The following NOX4 variants were observed in gnomAD, a reference collection of about 807,000 sequenced individuals.
NOX4 encodes kidney oxidase-1.
A neutral mutation model predicts 87.6 loss-of-function variants in NOX4; 69 were observed. The observed-to-expected ratio is 0.79, with a 90% confidence interval of 0.65 to 0.96. The LOEUF is 0.96. NOX4 is among the 40% of genes least tolerant of loss of function. The pLI, the probability that NOX4 is intolerant of heterozygous loss-of-function variation, is 0.00. For missense variants in NOX4, 680 were observed against 681.5 expected (o/e 1.00, Z 0.02); for synonymous variants, 275 against 238.2 (o/e 1.15, Z -1.42).
At chr11:89,436,676 A>G (rs1343378767) in intron 6 of NOX4, among the ~76,000 whole-genome samples, 1 of 152,130 alleles carries the variant, frequency 6.6e-6, no homozygotes, top group Non-Finnish European at 1.5e-5. Context: ...TCTATTCATT[A>G]TCCTATTTTA....
At chr11:89,335,973 C>T (rs370033750) in intron 16 of NOX4, 28 bp from the exon 17 acceptor site, 16 of 1,388,554 alleles carry the variant, frequency 1.2e-5, no homozygotes, top group Admixed American at 5.6e-5. Context: ...CTACATTATT[C>T]GATATTTAGT....
At chr11:89,409,792 A>G (rs1365654957) in intron 8 of NOX4, among the ~76,000 whole-genome samples, 1 of 152,198 alleles carries the variant, frequency 6.6e-6, no homozygotes, top group African/African-American at 2.4e-5. Flanking sequence ...GTATTTATTA[A>G]CATATTGAAA....
intron 11 of NOX4, among the ~76,000 whole-genome samples, chr11:89,381,833 T>C (rs2135097303): frequency 6.6e-6 from 1 of 152,310 alleles, no homozygotes; most frequent in South Asian, 2.1e-4. Flanking sequence ...CAGGCTCTTT[T>C]TACTCTTCTC....
intron 13 of NOX4, 51 bp downstream of exon 13, chr11:89,354,911 C>T (rs1937892971): frequency 8.3e-6 from 10 of 1,201,212 alleles, no homozygotes; most frequent in Non-Finnish European, 1.2e-5. Context: ...AAATCTCTCC[C>T]AGCACTATGC....
At chr11:89,571,887 G>A in the NOX4 span, among the ~76,000 whole-genome samples, 3 of 152,110 alleles carry the variant, frequency 2.0e-5, no homozygotes, top group Non-Finnish European at 4.4e-5. Flanking sequence ...TCATCCCTCT[G>A]AGGCTCACCT....
chr11:89,468,839 G>A (rs184378300), intron 2 of NOX4, among the ~76,000 whole-genome samples: 84 of 152,226 alleles, frequency 5.5e-4, no homozygotes, highest in African/African-American at 2.0e-3. Context: ...GGAGCTCCTG[G>A]GCTTAGCTGA....
the NOX4 span, among the ~76,000 whole-genome samples, chr11:89,517,378 T>C: frequency 3.3e-5 from 5 of 152,088 alleles, no homozygotes; most frequent in African/African-American, 1.2e-4. Flanking sequence ...GGTTAAACAT[T>C]ACTTGACCAA....
intron 12 of NOX4, among the ~76,000 whole-genome samples, chr11:89,368,165 C>T (rs897612770): frequency 6.6e-6 from 1 of 151,688 alleles, no homozygotes; most frequent in African/African-American, 2.4e-5. Context: ...AATCATATAT[C>T]TTTAACTTAT....
chr11:89,450,027 A>C (rs912916957), intron 3 of NOX4, among the ~76,000 whole-genome samples: 4 of 152,152 alleles, frequency 2.6e-5, no homozygotes, highest in African/African-American at 7.2e-5. Flanking sequence ...TGCCTGTTTG[A>C]TCTTATAACA....
In NOX4 at chr11:89,422,839, G is replaced by A. The variant is rs544325925; in HGVS notation, c.549-857C>T. 9.2e-5 allele frequency among the ~76,000 whole-genome samples: 12 copies of A among 129,736 alleles called. No homozygotes were observed. The East Asian group carries it at 1.8e-3, about 19-fold the overall frequency. The allele number at this position is 129,736 out of a possible 152,430, so 85.1% of individuals were successfully genotyped here. ...TTTTGAGATGCAGTCTTGCTCTGTC[G>A]CCTAGGCTGGAGTGCAGTGGTGCAA... is the stretch of plus-strand genomic sequence containing the variant. On this transcript the variant is annotated intron_variant, in intron 7 of 17. Coordinates refer to ENST00000263317, the MANE Select transcript of NOX4 (RefSeq NM_016931.5).
At chr11:89,476,377 T>C (rs1358286526) in intron 2 of NOX4, among the ~76,000 whole-genome samples, 1 of 152,122 alleles carries the variant, frequency 6.6e-6, no homozygotes, top group Middle Eastern at 3.2e-3. Context: ...AGTTAAATCA[T>C]ACTTAAAATA....
the NOX4 span, among the ~76,000 whole-genome samples, chr11:89,561,789 C>T: frequency 6.6e-6 from 1 of 151,938 alleles, no homozygotes; most frequent in African/African-American, 2.4e-5. Flanking sequence ...ACAAGCAAAT[C>T]CATAGAATGT....
chr11:89,547,869 T>C, the NOX4 span, among the ~76,000 whole-genome samples: 1 of 152,080 alleles, frequency 6.6e-6, no homozygotes, highest in African/African-American at 2.4e-5. Flanking sequence ...AACCCCAGTA[T>C]TTCCCTAGAG....
intron 3 of NOX4, 102 bp from the exon 4 acceptor site, chr11:89,449,626 G>A (rs149083910): frequency 2.6e-4 from 210 of 810,074 alleles, no homozygotes; most frequent in East Asian, 3.2e-4. Flanking sequence ...AAAATATGGC[G>A]GAAGCCTATT....
the NOX4 span, chr11:89,534,075 CCTT>C: frequency 6.6e-6 from 1 of 152,226 alleles, no homozygotes; most frequent in East Asian, 1.9e-4. Flanking sequence ...CTGTTTTAAT[CCTT>C]CTCCTTATTC....
chr11:89,440,340 C>T (rs766684537), intron 6 of NOX4, among the ~76,000 whole-genome samples: 9 of 151,806 alleles, frequency 5.9e-5, no homozygotes, highest in South Asian at 2.1e-4. Context: ...ATTTTTTAGA[C>T]GGAGTCTTAC....
intron 2 of NOX4, among the ~76,000 whole-genome samples, chr11:89,469,597 CT>C (rs1205217254): frequency 3.3e-5 from 5 of 152,096 alleles, no homozygotes; most frequent in African/African-American, 1.2e-4. Context: ...TCTTTTTGCC[CT>C]GTTTACACTG....
chr11:89,356,853 T>G (rs1938099700), intron 12 of NOX4, among the ~76,000 whole-genome samples: 2 of 152,104 alleles, frequency 1.3e-5, no homozygotes, highest in South Asian at 4.1e-4. Context: ...GAAAACTGTT[T>G]GTTAAGGTTA....
intron 7 of NOX4, among the ~76,000 whole-genome samples, chr11:89,423,053 C>T (rs1943172155): frequency 6.6e-6 from 1 of 152,060 alleles, no homozygotes; most frequent in Non-Finnish European, 1.5e-5. Context: ...CTGCGTCAGT[C>T]TCCCAAAGTG....
Sources: allele counts gnomAD v4.1 joint callset (sites outside exome capture counted in the v4.1 genomes callset), GRCh38; gene constraint gnomAD v4.1.1; transcripts MANE v1.5; gene names NCBI Gene and HGNC (gene_info 2026-07-23, HGNC 2026-07-21).